The following AGAP1 variants were observed in gnomAD, a reference collection of about 807,000 sequenced individuals.
The protein encoded by AGAP1 is arf-GAP with GTPase, ANK repeat and PH domain-containing protein 1.
In AGAP1, 29 loss-of-function variants were observed where a neutral mutation model predicts 105.3. That is an observed-to-expected ratio of 0.28 (90% CI 0.21 to 0.38). The LOEUF (loss-of-function observed/expected upper bound fraction) is 0.38. AGAP1 is among the 10% of genes least tolerant of loss of function. The probability of loss-of-function intolerance (pLI) is 1.00; values close to 1 mark genes in which losing one functional copy is unlikely to be tolerated. For missense variants in AGAP1, 998 were observed against 1,165.1 expected (o/e 0.86, Z 2.09); for synonymous variants, 509 against 485.9 (o/e 1.05, Z -0.63).
rs1043292040 is a variant in AGAP1 at position 235,989,494 on chromosome 2, G to T, written c.1645+20871G>T. On this transcript the variant is annotated intron_variant, in intron 13 of 17. Coordinates refer to ENST00000304032, the MANE Select transcript of AGAP1 (RefSeq NM_001037131.3). This position sits in a 1 kb window ranked among gnomAD's most constrained non-coding sequence, Gnocchi z 4.4. ...ACAGGATGAGCTGGGCTGGAGGAGGGTTTGCCCTAGGGAGGCAGCCCCAGG... is the reference window on the plus strand; with the variant it reads ...ACAGGATGAGCTGGGCTGGAGGAGGTTTTGCCCTAGGGAGGCAGCCCCAGG... 1.3e-5 allele frequency among the ~76,000 whole-genome samples: 2 copies of T among 152,140 alleles called. No homozygotes were observed. The highest frequency in any genetic ancestry group is 3.9e-4 in the East Asian group (2 of 5,160).
intron 1 of AGAP1, chr2:235,670,796 A>T (rs902671849): frequency 6.6e-6 from 9 of 1,356,628 alleles, no homozygotes; most frequent in African/African-American, 1.5e-5. Flanking sequence ...GGAACGCAGT[A>T]AGAGCAAGAA....
At chr2:235,571,448 G>C (rs1333215866) in intron 1 of AGAP1, among the ~76,000 whole-genome samples, 1 of 152,232 alleles carries the variant, frequency 6.6e-6, no homozygotes, top group African/African-American at 2.4e-5. Flanking sequence ...TTCCAGGCCT[G>C]ACAGCCATGT....
rs115370785 is a variant in AGAP1, at chr2:236,053,877, G to A, written c.2114+4596G>A. On this transcript the variant is annotated intron_variant, in intron 16 of 17. Coordinates refer to ENST00000304032, the MANE Select transcript of AGAP1 (RefSeq NM_001037131.3). This position sits in a 1 kb window ranked among gnomAD's most constrained non-coding sequence, Gnocchi z 4.6. The stretch of plus-strand genomic sequence containing the variant: ...CTTTGATGCCACTTGGAAGGGAACC[G>A]AGTTTGCTGATTTAGTACGTATTCT... Among the ~76,000 whole-genome samples, 285 of 152,396 alleles carry A rather than the reference G, an allele frequency of 1.9e-3. 1 individual carries two copies. The highest frequency in any genetic ancestry group is 6.6e-3 in the African/African-American group (275 of 41,604).
intron 9 of AGAP1, chr2:235,852,657 A>T (rs2106459652): frequency 7.0e-7 from 1 of 1,434,732 alleles, no homozygotes; most frequent in African/African-American, 1.4e-5. Context: ...AGTTGTGAAG[A>T]ATTTTTTTTA....
chr2:236,025,074 A>T (rs2057009889), intron 13 of AGAP1, among the ~76,000 whole-genome samples: 1 of 152,178 alleles, frequency 6.6e-6, no homozygotes, highest in South Asian at 2.1e-4. Flanking sequence ...CTGTGTGTGT[A>T]TCTGAAACTT....
intron 9 of AGAP1, among the ~76,000 whole-genome samples, chr2:235,808,077 G>A (rs1157494068): frequency 2.0e-5 from 3 of 151,624 alleles, no homozygotes; most frequent in Admixed American, 6.6e-5. Flanking sequence ...CACGTGTGAC[G>A]TAGATTGTGG....
chr2:235,555,396 G>T lies in AGAP1; in HGVS notation c.163+60547G>T, dbSNP rs536481412. 2.0e-5 allele frequency among the ~76,000 whole-genome samples: 3 copies of T among 152,328 alleles called. No individual in the cohort carries two copies. Among genetic ancestry groups the T allele is most frequent in the African/African-American group, 4.8e-5 (2 of 41,572 alleles). On this transcript the variant is annotated intron_variant, in intron 1 of 17. Transcript: ENST00000304032. This position sits in a 1 kb window ranked among gnomAD's most constrained non-coding sequence, Gnocchi z 5.1. ...GCTCATAGATGGCTGGTTCCTGCCA[G>T]TGACACACGTGGACCTCAAGCAGGT... is the stretch of plus-strand genomic sequence containing the variant.
Position 235,953,379 on chromosome 2 carries a change from G to A in AGAP1, c.1484-15083G>A, listed in dbSNP as rs894201650. Among the ~76,000 whole-genome samples the A allele has an allele frequency of 6.6e-6, 1 of 152,146 alleles. No homozygotes were observed. The highest frequency in any genetic ancestry group is 2.4e-5 in the African/African-American group (1 of 41,432). ...AAAACGTAATTTATCGTTATAAGAT[G>A]TTAATTTTTTATTCTCCAAAATGTT... On this transcript the variant is annotated intron_variant, in intron 12 of 17. Coordinates refer to ENST00000304032, the MANE Select transcript of AGAP1 (RefSeq NM_001037131.3). The surrounding 1 kb of genome is among the most constrained non-coding windows in gnomAD (Gnocchi z 5.2).
At chr2:235,709,107 C>A in intron 1 of AGAP1, 72 bp from the exon 2 acceptor site, 1 of 1,468,028 alleles carries the variant, frequency 6.8e-7, no homozygotes. Context: ...GTGAAAATGG[C>A]CCATTGGAGG....
At chr2:235,933,704 T>C (rs2052842539) in intron 12 of AGAP1, among the ~76,000 whole-genome samples, 1 of 151,474 alleles carries the variant, frequency 6.6e-6, no homozygotes, top group Admixed American at 6.6e-5. Flanking sequence ...GGCTAATTTT[T>C]GTATTTTTAG....
At chr2:235,780,703 G>GT (rs1956208518) in intron 6 of AGAP1, among the ~76,000 whole-genome samples, 1 of 152,214 alleles carries the variant, frequency 6.6e-6, no homozygotes, top group African/African-American at 2.4e-5. Context: ...ACAGCTGTGG[G>GT]TTTAAGTTGG....
At chr2:236,039,262 T>C (rs556001722) in intron 14 of AGAP1, among the ~76,000 whole-genome samples, 2 of 152,074 alleles carry the variant, frequency 1.3e-5, no homozygotes. Context: ...CTGGCCAACA[T>C]AGGGAGACCA....
chr2:235,650,469 A>T (rs1947544994), intron 1 of AGAP1, among the ~76,000 whole-genome samples: 2 of 151,736 alleles, frequency 1.3e-5, no homozygotes. Flanking sequence ...CCCTCTGCCC[A>T]CTCACCCATC....
At chr2:235,533,272 C>CT (rs1251273175) in intron 1 of AGAP1, among the ~76,000 whole-genome samples, 1 of 152,182 alleles carries the variant, frequency 6.6e-6, no homozygotes, top group Non-Finnish European at 1.5e-5. Context: ...GAGGTTTTGA[C>CT]TTTCTTTTTT....
At position 235,744,971 on chromosome 2, in the gene AGAP1, T is replaced by TA. The variant is rs1952813592; in HGVS notation, c.538+133dup. 1 of 1,074,872 alleles carries TA rather than the reference T, an allele frequency of 9.3e-7. No individual in the cohort carries two copies. Among genetic ancestry groups the TA allele is most frequent in the Admixed American group, 3.0e-5 (1 of 33,886 alleles). The allele number at this position is 1,074,872 out of a possible 1,614,324, so 66.6% of individuals were successfully genotyped here. On this transcript the variant is annotated intron_variant, in intron 5 of 17. Transcript: ENST00000304032. This position sits in a 1 kb window ranked among gnomAD's most constrained non-coding sequence, Gnocchi z 5.2. ...GAACGCTCACTTTTTTGGGAAAAAT[T>TA]ATGGAACTGAAATGATCACATTTCC...
Position 235,737,086 on chromosome 2 carries a change from TTGAG to T in AGAP1, c.311-3876_311-3873del, listed in dbSNP as rs1333826098. ...GACTTCTCAAGGCCCAGTGGTCCTA[TTGAG>T]CTGAACCTGCTCCCATCAGTAGTGC... On this transcript the variant is annotated intron_variant, in intron 3 of 17. Coordinates refer to ENST00000304032, the MANE Select transcript of AGAP1 (RefSeq NM_001037131.3). The surrounding 1 kb of genome is among the most constrained non-coding windows in gnomAD (Gnocchi z 4.5). 6.6e-6 allele frequency among the ~76,000 whole-genome samples: 1 copy of T among 152,184 alleles called. No homozygotes were observed. Among genetic ancestry groups the T allele is most frequent in the Non-Finnish European group, 1.5e-5 (1 of 68,022 alleles).
chr2:235,523,199 G>A (rs561899986), intron 1 of AGAP1, among the ~76,000 whole-genome samples: 1 of 152,184 alleles, frequency 6.6e-6, no homozygotes, highest in East Asian at 1.9e-4. Flanking sequence ...TGCTCCTCAC[G>A]GCCATGACCT....
intron 1 of AGAP1, among the ~76,000 whole-genome samples, chr2:235,607,057 TG>T (rs1945965889): frequency 6.8e-6 from 1 of 147,614 alleles, no homozygotes; most frequent in African/African-American, 2.5e-5. Flanking sequence ...GTGAGAAAAA[TG>T]GGTATTAAAT....
In AGAP1 at chr2:235,792,420, A is replaced by G. The variant is rs974661283; in HGVS notation, c.674-5339A>G. ...GGAGTGGACAAGCCACCTTCCCCAA[A>G]CATGAAAGAGCCCAGTTTTGCTAAG... On this transcript the variant is annotated intron_variant, in intron 6 of 17. Transcript: ENST00000304032. The surrounding 1 kb of genome is among the most constrained non-coding windows in gnomAD (Gnocchi z 5.3). Among the ~76,000 whole-genome samples, 8 of 152,122 alleles carry G rather than the reference A, an allele frequency of 5.3e-5. No homozygotes were observed. The highest frequency in any genetic ancestry group is 1.0e-4 in the Non-Finnish European group (7 of 68,014).
Sources: allele counts gnomAD v4.1 joint callset (sites outside exome capture counted in the v4.1 genomes callset), GRCh38; gene constraint gnomAD v4.1.1; non-coding constraint Gnocchi (gnomAD v3.1); transcripts MANE v1.5; gene names NCBI Gene and HGNC (gene_info 2026-07-23, HGNC 2026-07-21).